The following AOPEP variants were observed in gnomAD, a reference collection of about 807,000 sequenced individuals.
AOPEP encodes aminopeptidase O (putative).
In AOPEP, 77 loss-of-function variants were observed where a neutral mutation model predicts 98.1. The observed-to-expected ratio is 0.78, with a 90% CI of 0.65 to 0.95. AOPEP has a LOEUF of 0.95. Ranked by LOEUF, AOPEP falls within the 40% of genes least tolerant of loss-of-function variation. The pLI, the probability that AOPEP is intolerant of heterozygous loss-of-function variation, is 0.00. For synonymous variants in AOPEP, 346 were observed against 365.3 expected, an observed-to-expected ratio of 0.95 and a Z score of 0.60; for missense variants, 1,024 against 1,024.7, an observed-to-expected ratio of 1.00 and a Z score of 0.01.
chr9:94,805,064 C>T (rs1252928194), intron 5 of AOPEP, among the ~76,000 whole-genome samples: 2 of 152,122 alleles, frequency 1.3e-5, no homozygotes, highest in East Asian at 1.9e-4. Flanking sequence ...TCCTTAGCCC[C>T]GTTCTTAGTG....
intron 5 of AOPEP, among the ~76,000 whole-genome samples, chr9:94,832,498 G>A (rs1357165633): frequency 6.6e-6 from 1 of 152,170 alleles, no homozygotes; most frequent in African/African-American, 2.4e-5. Flanking sequence ...AGCAAAACAA[G>A]ATAGACTTTG....
At chr9:95,111,560 A>C in the AOPEP span, 1 of 1,614,168 alleles carries the variant, frequency 6.2e-7, no homozygotes, top group Non-Finnish European at 8.5e-7. Context: ...CGACATCAGT[A>C]ATTGCTCTGC....
the AOPEP span, chr9:95,110,665 A>G: frequency 1.9e-6 from 2 of 1,049,860 alleles, no homozygotes; most frequent in Middle Eastern, 4.4e-4. Flanking sequence ...TTCAAACAAC[A>G]GAAAATGCCA....
chr9:95,005,613 A>G lies in AOPEP; in HGVS notation c.2112A>G (p.Glu704=). 1 of 1,613,940 alleles carries G rather than the reference A, an allele frequency of 6.2e-7. No homozygotes were observed. The highest frequency in any genetic ancestry group is 2.2e-5 in the East Asian group (1 of 44,866). The change falls in exon 13 of 17, where the codon GAA becomes GAG. Residue 704 remains glutamate, a synonymous_variant. Coordinates refer to ENST00000375315, the MANE Select transcript of AOPEP (RefSeq NM_001193329.3). ...RKRREKEEVF[E]KLLPDQLVLL... is the part of the protein sequence containing the mutation. ...GCAGGGAGAAGGAAGAGGTGTTTGA[A>G]AAGGTAGGGGTTCCCGAGACGGTAC...
At chr9:94,871,989 C>T (rs2046399825) in intron 5 of AOPEP, among the ~76,000 whole-genome samples, 1 of 151,946 alleles carries the variant, frequency 6.6e-6, no homozygotes, top group Non-Finnish European at 1.5e-5. Flanking sequence ...GCCTGGGCAA[C>T]AGAGGGAGAC....
chr9:95,141,985 G>GTTTTT, the AOPEP span, among the ~76,000 whole-genome samples: 201 of 83,122 alleles, frequency 2.4e-3, 4 homozygotes, highest in African/African-American at 5.1e-3. Flanking sequence ...AGTTTGTGGG[G>GTTTTT]TTTTTTTTTT....
chr9:95,064,417 G>A (rs780401005), intron 14 of AOPEP, among the ~76,000 whole-genome samples: 10 of 152,162 alleles, frequency 6.6e-5, no homozygotes, highest in Non-Finnish European at 1.3e-4. Flanking sequence ...TCAGCCTCCC[G>A]AGTAGCTGGA....
intron 7 of AOPEP, chr9:94,934,922 G>A (rs997511361): frequency 2.6e-5 from 4 of 152,364 alleles, no homozygotes; most frequent in Middle Eastern, 3.4e-3. Flanking sequence ...CCCATCTTAG[G>A]TGGGAGTCTC....
the AOPEP span, among the ~76,000 whole-genome samples, chr9:95,095,682 G>A: frequency 6.6e-6 from 1 of 152,140 alleles, no homozygotes; most frequent in African/African-American, 2.4e-5. Context: ...ATGCGTGGGG[G>A]GTCCCCACGG....
chr9:95,079,442 A>G (rs931605431), intron 14 of AOPEP, among the ~76,000 whole-genome samples: 4 of 152,270 alleles, frequency 2.6e-5, no homozygotes, highest in African/African-American at 9.6e-5. Flanking sequence ...TAAAATGCAC[A>G]TAATCACTTC....
intron 3 of AOPEP, among the ~76,000 whole-genome samples, chr9:94,782,281 A>T (rs2133184579): frequency 6.6e-6 from 1 of 152,316 alleles, no homozygotes; most frequent in Middle Eastern, 3.4e-3. Context: ...TGCCTAATGG[A>T]AGCTCCTTCC....
chr9:95,119,716 CTTTCT>C, the AOPEP span, among the ~76,000 whole-genome samples: 3 of 150,024 alleles, frequency 2.0e-5, no homozygotes, highest in African/African-American at 7.4e-5. Flanking sequence ...TTTTACATTC[CTTTCT>C]TATTTTTTGA....
rs1401595946 is a variant in AOPEP, at chr9:95,005,626, C to T, written c.2115+10C>T. ...AGAGGTGTTTGAAAAGGTAGGGGTT[C>T]CCGAGACGGTACTCGGTGCAGGTCT... On this transcript the variant is annotated intron_variant, in intron 13 of 16. Transcript: ENST00000375315. 3 of 1,612,496 alleles carry T rather than the reference C, an allele frequency of 1.9e-6. No individual in the cohort carries two copies. The African/African-American group carries it at 4.0e-5, about 22-fold the overall frequency.
Position 94,773,130 on chromosome 9 carries a change from G to A in AOPEP, c.926G>A (p.Ser309Asn). The A allele has an allele frequency of 6.2e-7, 1 of 1,614,086 alleles. No homozygotes were observed. The highest frequency in any genetic ancestry group is 8.5e-7 in the Non-Finnish European group (1 of 1,179,990). The change falls in exon 3 of 17, where the codon AGT becomes AAT. Residue 309 changes from serine to asparagine, a missense_variant. Physicochemically the swap from Ser to Asn is conservative, Grantham distance 46 (BLOSUM62 1). Coordinates refer to ENST00000375315, the MANE Select transcript of AOPEP (RefSeq NM_001193329.3). ...GCTGCATCTTTTGTTGTTTTAATGA[G>A]TGGGGAAAATTCTGCCAAACCAACG... is the stretch of plus-strand genomic sequence containing the variant. ...RAAASFVVLM[S>N]GENSAKPTQL...
At chr9:95,053,297 T>A (rs1172972873) in intron 13 of AOPEP, among the ~76,000 whole-genome samples, 1 of 152,246 alleles carries the variant, frequency 6.6e-6, no homozygotes, top group African/African-American at 2.4e-5. Context: ...AAAGCATTCC[T>A]TATTTTCTTA....
chr9:95,067,405 T>C (rs367993228), intron 14 of AOPEP, among the ~76,000 whole-genome samples: 3 of 152,286 alleles, frequency 2.0e-5, no homozygotes, highest in East Asian at 3.9e-4. Flanking sequence ...GGCTGTTCAG[T>C]CTCTGCATAT....
intron 4 of AOPEP, among the ~76,000 whole-genome samples, chr9:94,798,968 A>T (rs1475096208): frequency 1.3e-5 from 2 of 152,186 alleles, no homozygotes; most frequent in East Asian, 3.8e-4. Flanking sequence ...AATGTCAAGA[A>T]TTATATTCTT....
the AOPEP span, chr9:95,099,519 G>A: frequency 4.4e-6 from 1 of 229,536 alleles, no homozygotes; most frequent in Admixed American, 5.7e-5. Context: ...ACAAGAGGGG[G>A]AGGTGGGCTT....
intron 13 of AOPEP, among the ~76,000 whole-genome samples, chr9:95,052,522 A>G (rs1587813878): frequency 1.3e-5 from 2 of 152,220 alleles, no homozygotes; most frequent in South Asian, 2.1e-4. Flanking sequence ...ATGATTGCCT[A>G]TTTGTCCATA....
Sources: gnomAD v4.1 joint callset for allele counts (sites outside exome capture counted in the v4.1 genomes callset) on GRCh38, gnomAD v4.1.1 for gene constraint, MANE v1.5 for transcripts, NCBI Gene and HGNC (gene_info 2026-07-23, HGNC 2026-07-21) for gene names.